The following CYP46A1 variants were observed in gnomAD, a reference collection of about 807,000 sequenced individuals.
CYP46A1 encodes cholesterol 24-hydroxylase.
Under a neutral mutation model 63.3 loss-of-function variants are expected in CYP46A1, and 20 were observed. The observed-to-expected ratio is 0.32, with a 90% CI of 0.22 to 0.46. CYP46A1 has a LOEUF of 0.46. Ranked by LOEUF, CYP46A1 falls within the 20% of genes least tolerant of loss-of-function variation. The probability of loss-of-function intolerance (pLI) is 1.00; values close to 1 mark genes in which losing one functional copy is unlikely to be tolerated. For missense variants in CYP46A1, 445 were observed against 670.8 expected (o/e 0.66, Z 3.72); for synonymous variants, 268 against 273.6 (o/e 0.98, Z 0.20).
chr14:99,699,029 G>A (rs780931413), intron 3 of CYP46A1, among the ~76,000 whole-genome samples: 2 of 152,078 alleles, frequency 1.3e-5, no homozygotes, highest in Non-Finnish European at 2.9e-5. Flanking sequence ...TGACTGCCCG[G>A]CTTGAGTGCA....
chr14:99,690,305 G>A (rs568314783), intron 1 of CYP46A1, among the ~76,000 whole-genome samples: 1 of 152,288 alleles, frequency 6.6e-6, no homozygotes, highest in African/African-American at 2.4e-5. Context: ...GCATAAATGG[G>A]TTTTAAACGG....
rs1289345336 is a variant in CYP46A1, at chr14:99,706,756, A to G, written c.553A>G (p.Thr185Ala). ...CCCAGTGTCCATGCAGGACATGCTG[A>G]CCTACACCGCCATGGACATCCTGGC... Reference protein sequence around the residue: ...QTPVSMQDMLTYTAMDILAKA... With the variant: ...QTPVSMQDMLAYTAMDILAKA... The change falls in exon 6 of 15, where the codon ACC becomes GCC. Residue 185 changes from threonine to alanine, a missense_variant. By Grantham distance (58) the Thr-to-Ala change is moderately conservative (BLOSUM62 0). Coordinates refer to ENST00000261835, the MANE Select transcript of CYP46A1 (RefSeq NM_006668.2). The G allele has an allele frequency of 1.2e-6, 2 of 1,613,174 alleles. No individual in the cohort carries two copies. The highest frequency in any genetic ancestry group is 1.7e-6 in the Non-Finnish European group (2 of 1,179,942).
intron 7 of CYP46A1, among the ~76,000 whole-genome samples, chr14:99,714,383 A>C (rs1011588757): frequency 2.6e-5 from 4 of 152,238 alleles, no homozygotes; most frequent in Non-Finnish European, 2.9e-5. Flanking sequence ...ATCCAAAGAA[A>C]AATCAGTATA....
chr14:99,686,271 GTCT>G (rs1186971987), intron 1 of CYP46A1, among the ~76,000 whole-genome samples: 1 of 152,128 alleles, frequency 6.6e-6, no homozygotes, highest in Non-Finnish European at 1.5e-5. Flanking sequence ...TCGTTACTTG[GTCT>G]TCTCATAAAC....
chr14:99,688,997 C>T (rs902347600), intron 1 of CYP46A1, among the ~76,000 whole-genome samples: 1 of 152,188 alleles, frequency 6.6e-6, no homozygotes, highest in African/African-American at 2.4e-5. Context: ...GCTGGCTGTC[C>T]CTATGCTCCC....
intron 7 of CYP46A1, chr14:99,712,036 A>G (rs1320493780): frequency 6.6e-6 from 1 of 152,202 alleles, no homozygotes; most frequent in Non-Finnish European, 1.5e-5. Context: ...GACAAAAGCC[A>G]TATGATCATC....
At chr14:99,717,951 A>G in intron 9 of CYP46A1, 103 bp from the exon 10 acceptor site, 2 of 884,386 alleles carry the variant, frequency 2.3e-6, no homozygotes, top group East Asian at 5.2e-5. Flanking sequence ...CTGGGGGCAC[A>G]TGCCATTTAC....
chr14:99,700,612 T>G (rs147272400), intron 5 of CYP46A1, among the ~76,000 whole-genome samples: 2,415 of 152,346 alleles, frequency 0.016, 32 homozygotes, highest in Non-Finnish European at 0.028. Context: ...CTCACATGTT[T>G]GTGGTGGTGC....
At chr14:99,685,457 A>T (rs1172386115) in intron 1 of CYP46A1, among the ~76,000 whole-genome samples, 4 of 148,582 alleles carry the variant, frequency 2.7e-5, no homozygotes, top group African/African-American at 1.0e-4. Flanking sequence ...AGGGGCCATC[A>T]CCTCTGAGGT....
rs10600179 is a variant in CYP46A1, at chr14:99,722,644, C to CGTGTGT, written c.1176+608_1176+613dup. On this transcript the variant is annotated intron_variant, in intron 12 of 14. Coordinates refer to ENST00000261835, the MANE Select transcript of CYP46A1 (RefSeq NM_006668.2). This position sits in a 1 kb window ranked among gnomAD's most constrained non-coding sequence, Gnocchi z 4.6. ...ATCTGAATTGTGTGTTTGCCATTCC[C>CGTGTGT]GTGTGTGTGTGTGTGTGTGTGTGTG... Among the ~76,000 whole-genome samples the CGTGTGT allele has an allele frequency of 0.016, 2,230 of 142,228 alleles. 31 individuals carry two copies. The highest frequency in any genetic ancestry group is 0.048 in the Middle Eastern group (13 of 272). The allele number at this position is 142,228 out of a possible 152,430, so 93.3% of individuals were successfully genotyped here. A position where few individuals can be genotyped will look rare whatever the true frequency, so the allele number is the denominator to read the frequency against.
At chr14:99,707,488 G>A in intron 6 of CYP46A1, 80 bp from the exon 7 acceptor site, 1 of 1,133,374 alleles carries the variant, frequency 8.8e-7, no homozygotes, top group South Asian at 1.3e-5. Flanking sequence ...CAGGTGTCTA[G>A]CAGAATGATG....
At chr14:99,713,956 TC>T (rs1389280061) in intron 7 of CYP46A1, among the ~76,000 whole-genome samples, 3 of 148,352 alleles carry the variant, frequency 2.0e-5, no homozygotes, top group African/African-American at 7.5e-5. Flanking sequence ...AAAGAAACTA[TC>T]AACAGAATAA....
At chr14:99,715,713 T>C in intron 7 of CYP46A1, 97 bp from the exon 8 acceptor site, 1 of 1,526,856 alleles carries the variant, frequency 6.5e-7, no homozygotes, top group South Asian at 1.2e-5. Context: ...ACCTCCCAGC[T>C]TGCCAGTGCC....
rs761460288 is a variant in CYP46A1 at position 99,700,054 on chromosome 14, G to A, written c.396G>A (p.Glu132=). ...GQGLVSECNY[E]RWHKQRRVID... ...GCTTGGTGTCCGAATGCAACTATGA[G>A]CGCTGGCACAAGCAGCGGAGAGTCA... Residue 132 remains glutamate (E), a synonymous_variant, in exon 5 of 15, where the codon GAG becomes GAA. Transcript: ENST00000261835. The A allele has an allele frequency of 1.9e-6, 3 of 1,607,262 alleles. No homozygotes were observed. The Admixed American group carries it at 5.1e-5, about 27-fold the overall frequency.
At chr14:99,713,877 A>AC (rs1321334838) in intron 7 of CYP46A1, among the ~76,000 whole-genome samples, 12 of 151,006 alleles carry the variant, frequency 7.9e-5, no homozygotes, top group Non-Finnish European at 1.5e-4. Context: ...AAAAAAAAAA[A>AC]AAAAAAAAAA....
intron 1 of CYP46A1, among the ~76,000 whole-genome samples, chr14:99,687,517 C>T (rs192204951): frequency 1.3e-5 from 2 of 152,134 alleles, no homozygotes; most frequent in African/African-American, 2.4e-5. Context: ...GCACTCGCCA[C>T]CCTGCCCCTC....
Position 99,716,119 on chromosome 14 carries a change from ACT to A in CYP46A1, c.845-14_845-13del, listed in dbSNP as rs767035798. The A allele has an allele frequency of 6.2e-7, 1 of 1,613,792 alleles. No homozygotes were observed. Among genetic ancestry groups the A allele is most frequent in the Non-Finnish European group, 8.5e-7 (1 of 1,179,918 alleles). On this transcript the variant is annotated splice_polypyrimidine_tract_variant and intron_variant, in intron 8 of 14. Transcript: ENST00000261835. ...GAGCAAAGATTTGCTGGGAACTGAGACTCTCCTTGTTTTTCAGCTGAAGAGGG... is the reference window on the plus strand; with the variant it reads ...GAGCAAAGATTTGCTGGGAACTGAGACTCCTTGTTTTTCAGCTGAAGAGGG...
intron 7 of CYP46A1, chr14:99,708,086 G>A (rs2400766): frequency 7.7e-6 from 2 of 260,362 alleles, no homozygotes; most frequent in African/African-American, 4.6e-5. Flanking sequence ...GAACCAATCT[G>A]CCCCACCCGC....
intron 1 of CYP46A1, 110 bp downstream of exon 1, chr14:99,684,646 G>A: frequency 2.2e-6 from 2 of 900,394 alleles, no homozygotes; most frequent in East Asian, 2.9e-5. Context: ...AGTGCGCGCG[G>A]CCGCTGGGAG....
Sources: allele counts gnomAD v4.1 joint callset (sites outside exome capture counted in the v4.1 genomes callset), GRCh38; gene constraint gnomAD v4.1.1; non-coding constraint Gnocchi (gnomAD v3.1); transcripts MANE v1.5; gene names NCBI Gene and HGNC (gene_info 2026-07-23, HGNC 2026-07-21).